Variants in LPCAT1 observed in about 807,000 individuals in gnomAD.
LPCAT1 encodes lysophosphatidylcholine acyltransferase 1, also known as 1-acylglycerol-3-phosphate O-acyltransferase.
A neutral mutation model predicts 60.9 loss-of-function variants in LPCAT1; 23 were observed. The ratio of observed to expected loss-of-function variants is 0.38; its 90% CI spans 0.27 to 0.53. The LOEUF (loss-of-function observed/expected upper bound fraction) is 0.53. LPCAT1 is among the 20% of genes least tolerant of loss of function. LPCAT1 has a pLI of 0.82. For synonymous variants in LPCAT1, 340 were observed against 301.1 expected, an observed-to-expected ratio of 1.13 and a Z score of -1.34; for missense variants, 622 against 723.6, an observed-to-expected ratio of 0.86 and a Z score of 1.61.
intron 11 of LPCAT1, among the ~76,000 whole-genome samples, chr5:1,471,723 TC>T (rs1734675540): frequency 6.7e-6 from 1 of 149,528 alleles, no homozygotes; most frequent in Non-Finnish European, 1.5e-5. Flanking sequence ...GAGGGAGGGC[TC>T]CCAGGTTGGA....
intron 3 of LPCAT1, among the ~76,000 whole-genome samples, chr5:1,494,077 G>A (rs962605742): frequency 3.3e-5 from 5 of 152,256 alleles, no homozygotes; most frequent in African/African-American, 9.6e-5. Context: ...GATGACGAGA[G>A]GGTGAATCTC....
rs1224122346 is a variant in LPCAT1, at chr5:1,463,686, C to T, written c.1570G>A (p.Ala524Thr). ...CADFSPENSD[A>T]GRKPVRKKLD ...TTCTTGCGAACAGGCTTCCGCCCAG[C>T]GTCTGAGTTTTCCGGGCTGAAATCG... Residue 524 changes from alanine (A) to threonine (T), a missense_variant, in exon 14 of 14, where the codon GCT becomes ACT. Around this residue, in one of 3 missense-constraint regions of LPCAT1, gnomAD observed 288 missense variants for 283.6 expected, o/e 1.02. Coordinates refer to ENST00000283415, the MANE Select transcript of LPCAT1 (RefSeq NM_024830.5). 4 of 1,614,134 alleles carry T rather than the reference C, an allele frequency of 2.5e-6. No individual in the cohort carries two copies. The highest frequency in any genetic ancestry group is 1.3e-5 in the African/African-American group (1 of 74,942).
chr5:1,523,776 C>T lies in LPCAT1; in HGVS notation c.69G>A (p.Leu23=). 1 of 1,151,292 alleles carries T rather than the reference C, an allele frequency of 8.7e-7. No homozygotes were observed. Among genetic ancestry groups the T allele is most frequent in the Non-Finnish European group, 1.1e-6 (1 of 933,340 alleles). The allele number at this position is 1,151,292 out of a possible 1,614,324, so 71.3% of individuals were successfully genotyped here. The change falls in exon 1 of 14, where the codon CTG becomes CTA. Residue 23 remains leucine, a synonymous_variant. Transcript: ENST00000283415. The surrounding 1 kb of genome is among the most constrained non-coding windows in gnomAD (Gnocchi z 7.1). The part of the protein sequence containing the change: ...ASSAGASDAR[L]LAPPGRNPFV... Reference sequence around the variant, plus strand: ...AGGGGTTCCGCCCCGGGGGCGCCAGCAGCCGAGCGTCGCTGGCCCCTGCGC... The same window carrying T: ...AGGGGTTCCGCCCCGGGGGCGCCAGTAGCCGAGCGTCGCTGGCCCCTGCGC...
chr5:1,499,037 C>T (rs767218130), intron 2 of LPCAT1, among the ~76,000 whole-genome samples: 3 of 152,362 alleles, frequency 2.0e-5, no homozygotes, highest in Non-Finnish European at 2.9e-5. Context: ...GAAACCCCAA[C>T]GTGTCACTGT....
At chr5:1,479,026 A>C (rs1735028103) in intron 8 of LPCAT1, among the ~76,000 whole-genome samples, 1 of 152,278 alleles carries the variant, frequency 6.6e-6, no homozygotes, top group South Asian at 2.1e-4. Context: ...AGAGCCAAAC[A>C]AATAATTATT....
intron 1 of LPCAT1, chr5:1,510,710 G>A (rs1169061644): frequency 1.3e-5 from 2 of 152,312 alleles, no homozygotes; most frequent in African/African-American, 4.8e-5. Context: ...TGGGACCGTT[G>A]GCACCAGTGT....
intron 12 of LPCAT1, among the ~76,000 whole-genome samples, chr5:1,469,498 G>A (rs1307871161): frequency 6.6e-6 from 1 of 152,226 alleles, no homozygotes; most frequent in Admixed American, 6.5e-5. Context: ...CCAGCAGAAC[G>A]GGGGGCGGTG....
chr5:1,514,338 C>T (rs1484315798), intron 1 of LPCAT1, among the ~76,000 whole-genome samples: 2 of 152,344 alleles, frequency 1.3e-5, no homozygotes, highest in Admixed American at 6.5e-5. Context: ...CACAGCAGCA[C>T]GAGGGGCCAT....
In LPCAT1 at chr5:1,462,113, ATC is replaced by A. The variant is rs1321432582; in HGVS notation, c.*1536_*1537del. 1 of 152,460 alleles carries A rather than the reference ATC, an allele frequency of 6.6e-6. No individual in the cohort carries two copies. The highest frequency in any genetic ancestry group is 1.5e-5 in the Non-Finnish European group (1 of 68,030). The allele number at this position is 152,460 out of a possible 1,614,324, so 9.4% of individuals were successfully genotyped here. On this transcript the variant is annotated 3_prime_UTR_variant, in exon 14 of 14. Coordinates refer to ENST00000283415, the MANE Select transcript of LPCAT1 (RefSeq NM_024830.5). ...GTCAGTGGAGAAACGCGTATCACGA[ATC>A]TCTGAGGAAGTTAGTAAACATTTTT...
At position 1,495,568 on chromosome 5, in the gene LPCAT1, T is replaced by TA. The variant is rs140318799; in HGVS notation, c.279-655dup. Among the ~76,000 whole-genome samples the TA allele has an allele frequency of 8.4e-3, 1,285 of 152,336 alleles. 21 individuals are homozygous for TA. The highest frequency in any genetic ancestry group is 0.029 in the African/African-American group (1,214 of 41,576). ...TAAAATAGGTACAAATTTAGCCTTT[T>TA]AAATGTGTGTATTCTCTTTCATATG... On this transcript the variant is annotated intron_variant, in intron 2 of 13. Transcript: ENST00000283415. This position sits in a 1 kb window ranked among gnomAD's most constrained non-coding sequence, Gnocchi z 4.7.
At chr5:1,513,909 G>A (rs938858791) in intron 1 of LPCAT1, among the ~76,000 whole-genome samples, 8 of 150,210 alleles carry the variant, frequency 5.3e-5, no homozygotes, top group South Asian at 2.1e-4. Flanking sequence ...GCTCTCACCC[G>A]TGGGGCGGAA....
In LPCAT1 at chr5:1,502,228, T is replaced by C. The variant is rs929050371; in HGVS notation, c.136-625A>G. Among the ~76,000 whole-genome samples, 1 of 151,768 alleles carries C rather than the reference T, an allele frequency of 6.6e-6. No individual in the cohort carries two copies. Among genetic ancestry groups the C allele is most frequent in the African/African-American group, 2.4e-5 (1 of 41,260 alleles). On this transcript the variant is annotated intron_variant, in intron 1 of 13. Transcript: ENST00000283415. This position sits in a 1 kb window ranked among gnomAD's most constrained non-coding sequence, Gnocchi z 5.5. ...CGCACAGCACACAACCCCAGGCAGC[T>C]CCACCCCGCAGGACGCACCCCCAGG...
rs533228182 is a variant in LPCAT1 at position 1,476,415 on chromosome 5, C to G, written c.899+989G>C. Among the ~76,000 whole-genome samples, 2 of 152,058 alleles carry G rather than the reference C, an allele frequency of 1.3e-5. No individual in the cohort carries two copies. The highest frequency in any genetic ancestry group is 2.9e-5 in the Non-Finnish European group (2 of 68,008). ...ATGGGAACGTGAGGGAACGGGCCGC[C>G]CAGCTGAATCTTCAGGGTGTCAGCG... On this transcript the variant is annotated intron_variant, in intron 9 of 13. Coordinates refer to ENST00000283415, the MANE Select transcript of LPCAT1 (RefSeq NM_024830.5). This position sits in a 1 kb window ranked among gnomAD's most constrained non-coding sequence, Gnocchi z 8.6.
chr5:1,497,888 G>C (rs1454063336), intron 2 of LPCAT1, among the ~76,000 whole-genome samples: 1 of 152,214 alleles, frequency 6.6e-6, no homozygotes, highest in Non-Finnish European at 1.5e-5. Context: ...GCAGCCCCTG[G>C]AGGACCTGGC....
At chr5:1,504,649 G>A (rs906159717) in intron 1 of LPCAT1, among the ~76,000 whole-genome samples, 2 of 151,362 alleles carry the variant, frequency 1.3e-5, no homozygotes, top group South Asian at 2.1e-4. Context: ...GGGAGTCAGA[G>A]GTTGTGGGGA....
chr5:1,491,004 A>G (rs1310147842), intron 3 of LPCAT1, among the ~76,000 whole-genome samples: 1 of 151,804 alleles, frequency 6.6e-6, no homozygotes, highest in Non-Finnish European at 1.5e-5. Flanking sequence ...ACTTGTAAGG[A>G]GTAGCATTTC....
chr5:1,514,478 A>G (rs1240588108), intron 1 of LPCAT1, among the ~76,000 whole-genome samples: 2 of 152,292 alleles, frequency 1.3e-5, no homozygotes, highest in East Asian at 3.9e-4. Context: ...GTCCCAGGAC[A>G]CTGGGAGTCT....
At position 1,496,549 on chromosome 5, in the gene LPCAT1, C is replaced by T. The variant is rs996518603; in HGVS notation, c.279-1635G>A. On this transcript the variant is annotated intron_variant, in intron 2 of 13. Coordinates refer to ENST00000283415, the MANE Select transcript of LPCAT1 (RefSeq NM_024830.5). This position sits in a 1 kb window ranked among gnomAD's most constrained non-coding sequence, Gnocchi z 4.7. Reference sequence around the variant, plus strand: ...CTGCGGCGGGCACAGGAGCCAGTCTCGGGCAGGTTCAGGGGCAGGAGAGAG... The same window carrying T: ...CTGCGGCGGGCACAGGAGCCAGTCTTGGGCAGGTTCAGGGGCAGGAGAGAG... Among the ~76,000 whole-genome samples the T allele has an allele frequency of 5.3e-5, 8 of 151,954 alleles. No individual in the cohort carries two copies. The highest frequency in any genetic ancestry group is 1.3e-4 in the Admixed American group (2 of 15,260).
rs533824587 is a variant in LPCAT1, at chr5:1,490,706, T to C, written c.494-848A>G. Among the ~76,000 whole-genome samples the C allele has an allele frequency of 5.9e-5, 9 of 152,336 alleles. No homozygotes were observed. The East Asian group carries it at 1.7e-3, about 29-fold the overall frequency. On this transcript the variant is annotated intron_variant, in intron 3 of 13. Transcript: ENST00000283415. The stretch of plus-strand genomic sequence containing the variant: ...TTGGGGTACAAGGGACACCCCGCCA[T>C]GAAGGCTGGTGCTCAGCCAAGGCAA...
Sources: gnomAD v4.1 joint callset for allele counts (sites outside exome capture counted in the v4.1 genomes callset) on GRCh38, gnomAD v4.1.1 for gene constraint, gnomAD v4.1.1 regional missense constraint, Gnocchi (gnomAD v3.1) non-coding constraint, MANE v1.5 for transcripts, NCBI Gene and HGNC (gene_info 2026-07-23, HGNC 2026-07-21) for gene names.